PAMR1: variants seen among roughly 807,000 people sequenced by gnomAD.
PAMR1 encodes peptidase domain containing associated with muscle regeneration 1.
PAMR1 carries 88 observed loss-of-function variants against 81.8 expected under a neutral mutation model. The observed-to-expected ratio is 1.08, with a 90% CI of 0.91 to 1.28. The LOEUF (loss-of-function observed/expected upper bound fraction) is 1.28, where lower values mean the gene tolerates loss of function less well. Ranked by LOEUF, PAMR1 falls within the 50% of genes most tolerant of loss-of-function variation. The pLI, the probability that PAMR1 is intolerant of heterozygous loss-of-function variation, is 0.00. For missense variants in PAMR1, 935 were observed against 919.7 expected, an observed-to-expected ratio of 1.02 and a Z score of -0.21; for synonymous variants, 336 against 345.3, an observed-to-expected ratio of 0.97 and a Z score of 0.30.
At chr11:35,446,021 G>A (rs79682326) in intron 6 of PAMR1, among the ~76,000 whole-genome samples, 2 of 152,186 alleles carry the variant, frequency 1.3e-5, no homozygotes, top group African/African-American at 4.8e-5. Context: ...CTAGTTATTG[G>A]TCTATTCAGG....
At chr11:35,491,014 A>G (rs2135398928) in intron 3 of PAMR1, among the ~76,000 whole-genome samples, 1 of 152,338 alleles carries the variant, frequency 6.6e-6, no homozygotes, top group African/African-American at 2.4e-5. Context: ...TCTTGCAGCT[A>G]ACCTACCTGG....
chr11:35,479,310 T>C (rs1850339528), intron 3 of PAMR1, among the ~76,000 whole-genome samples: 1 of 152,174 alleles, frequency 6.6e-6, no homozygotes, highest in South Asian at 2.1e-4. Context: ...CACTTACTAG[T>C]TGTGTGACTC....
At chr11:35,503,102 C>T (rs988701712) in intron 1 of PAMR1, among the ~76,000 whole-genome samples, 5 of 152,030 alleles carry the variant, frequency 3.3e-5, no homozygotes, top group Non-Finnish European at 7.4e-5. Context: ...TGTTCTTTTC[C>T]CCATTGTATG....
chr11:35,465,428 G>A (rs769063987), intron 6 of PAMR1, among the ~76,000 whole-genome samples: 3 of 152,144 alleles, frequency 2.0e-5, no homozygotes, highest in Non-Finnish European at 4.4e-5. Flanking sequence ...TTTTGAATTT[G>A]TTGGTATCCT....
chr11:35,437,066 A>C (rs1265684169), intron 8 of PAMR1, among the ~76,000 whole-genome samples: 2 of 152,204 alleles, frequency 1.3e-5, no homozygotes, highest in African/African-American at 4.8e-5. Context: ...ATTGATCGGG[A>C]GAAATATGAA....
chr11:35,447,663 T>C (rs575796127), intron 6 of PAMR1, among the ~76,000 whole-genome samples: 2 of 152,332 alleles, frequency 1.3e-5, no homozygotes, highest in East Asian at 3.9e-4. Context: ...AATATCGTTA[T>C]GTGTAAATTT....
intron 1 of PAMR1, among the ~76,000 whole-genome samples, chr11:35,505,156 A>G (rs1711692): frequency 0.31 from 47,551 of 151,830 alleles, 7,524 homozygotes; most frequent in African/African-American, 0.37. Context: ...GTATTTGCAT[A>G]TTTTCCAAGG....
chr11:35,445,330 A>C (rs144143217), intron 6 of PAMR1, among the ~76,000 whole-genome samples: 3,127 of 152,224 alleles, frequency 0.021, 85 homozygotes, highest in Admixed American at 0.068. Context: ...AATACACTTT[A>C]TTTCTTTCTC....
At chr11:35,450,419 T>C (rs1856390032) in intron 6 of PAMR1, among the ~76,000 whole-genome samples, 2 of 152,332 alleles carry the variant, frequency 1.3e-5, no homozygotes, top group South Asian at 2.1e-4. Flanking sequence ...CTGAGTAAGC[T>C]GTTTAAAAAT....
chr11:35,436,999 A>G (rs1856063109), intron 8 of PAMR1, among the ~76,000 whole-genome samples: 1 of 152,214 alleles, frequency 6.6e-6, no homozygotes, highest in African/African-American at 2.4e-5. Flanking sequence ...AGCTTGATTT[A>G]GCAATTAGCA....
At chr11:35,448,825 G>A (rs540700544) in intron 6 of PAMR1, among the ~76,000 whole-genome samples, 3 of 152,146 alleles carry the variant, frequency 2.0e-5, no homozygotes, top group Non-Finnish European at 2.9e-5. Context: ...TGAGATTTTT[G>A]TGGGGTCTTT....
chr11:35,458,835 C>T (rs1856589928), intron 6 of PAMR1, among the ~76,000 whole-genome samples: 1 of 152,240 alleles, frequency 6.6e-6, no homozygotes, highest in Admixed American at 6.5e-5. Context: ...GACAGCATCA[C>T]ATGGCCTCTC....
chr11:35,493,957 G>A (rs1850674657), intron 2 of PAMR1, 139 bp downstream of exon 2: 2 of 671,568 alleles, frequency 3.0e-6, no homozygotes, highest in Non-Finnish European at 5.3e-6. Context: ...GTTAGAATGG[G>A]CTGAATTGTG....
chr11:35,507,987 T>C (rs1461466749), intron 1 of PAMR1, among the ~76,000 whole-genome samples: 1 of 152,204 alleles, frequency 6.6e-6, no homozygotes, highest in Non-Finnish European at 1.5e-5. Flanking sequence ...CTTGTGGATG[T>C]ACCTCCTGCA....
Position 35,436,153 on chromosome 11 carries a change from G to A in PAMR1, c.1101-18C>T. The A allele has an allele frequency of 1.3e-6, 2 of 1,554,030 alleles. No individual in the cohort carries two copies. Among genetic ancestry groups the A allele is most frequent in the Non-Finnish European group, 8.9e-7 (1 of 1,126,010 alleles). On this transcript the variant is annotated intron_variant, in intron 8 of 10. Transcript: ENST00000619888. ...GTGTCTCCCTGGGTCAGGAAACATG[G>A]GCCCAGAGAAAGAGCAGGGTGAGAG...
chr11:35,509,711 C>G (rs969686347), intron 1 of PAMR1, among the ~76,000 whole-genome samples: 1 of 151,908 alleles, frequency 6.6e-6, no homozygotes, highest in Admixed American at 6.6e-5. Context: ...AAGAGAAATA[C>G]CAAAGAATCT....
upstream of PAMR1, chr11:35,525,788 C>T: frequency 1.7e-6 from 1 of 591,730 alleles, no homozygotes; most frequent in Non-Finnish European, 3.0e-6. Context: ...CTCCTCTCTG[C>T]TGCCTTAACC....
At chr11:35,506,222 A>G (rs1850952002) in intron 1 of PAMR1, among the ~76,000 whole-genome samples, 1 of 151,602 alleles carries the variant, frequency 6.6e-6, no homozygotes, top group South Asian at 2.1e-4. Flanking sequence ...ACATATTTTT[A>G]CACTGCCTAT....
chr11:35,520,096 T>C (rs1851243833), intron 1 of PAMR1, among the ~76,000 whole-genome samples: 1 of 152,172 alleles, frequency 6.6e-6, no homozygotes, highest in South Asian at 2.1e-4. Context: ...AATAAATTAT[T>C]TGGATAGCCA....
Sources: allele counts gnomAD v4.1 joint callset (sites outside exome capture counted in the v4.1 genomes callset), GRCh38; gene constraint gnomAD v4.1.1; transcripts MANE v1.5; gene names NCBI Gene and HGNC (gene_info 2026-07-23, HGNC 2026-07-21).